PLA2G5: variants seen among roughly 807,000 people sequenced by gnomAD.
PLA2G5 encodes Ca2+-dependent phospholipase A2.
A neutral mutation model predicts 15.9 loss-of-function variants in PLA2G5; 12 were observed. The ratio of observed to expected loss-of-function variants is 0.76; its 90% confidence interval spans 0.48 to 1.23. The LOEUF is 1.23. PLA2G5 is among the 50% of genes most tolerant of loss of function. The pLI is 0.00. For missense variants in PLA2G5, 169 were observed against 177.1 expected (o/e 0.95, Z 0.26); for synonymous variants, 71 against 71.4 (o/e 0.99, Z 0.03).
At chr1:20,044,669 G>T (rs537366133) in intron 1 of PLA2G5, among the ~76,000 whole-genome samples, 105 of 152,246 alleles carry the variant, frequency 6.9e-4, no homozygotes, top group Middle Eastern at 6.8e-3. Context: ...TTGGGCAGGT[G>T]GGGGAGGGCT....
chr1:20,034,242 C>T (rs979994814), intron 1 of PLA2G5, among the ~76,000 whole-genome samples: 4 of 151,976 alleles, frequency 2.6e-5, no homozygotes, highest in Non-Finnish European at 4.4e-5. Context: ...AAGGCCTGTT[C>T]GAATAGGAGG....
At chr1:20,081,058 T>C (rs1031534977) in intron 1 of PLA2G5, among the ~76,000 whole-genome samples, 3 of 151,916 alleles carry the variant, frequency 2.0e-5, no homozygotes, top group Non-Finnish European at 2.9e-5. Context: ...GCATGTGGAC[T>C]TGGGGGACCC....
At chr1:20,083,828 T>C (rs1432156288) in intron 1 of PLA2G5, among the ~76,000 whole-genome samples, 1 of 151,704 alleles carries the variant, frequency 6.6e-6, no homozygotes, top group African/African-American at 2.4e-5. Flanking sequence ...GTCCCTGAGC[T>C]TTCTGAGCCT....
At chr1:20,035,913 G>A (rs184584749) in intron 1 of PLA2G5, among the ~76,000 whole-genome samples, 2 of 152,134 alleles carry the variant, frequency 1.3e-5, no homozygotes, top group East Asian at 1.9e-4. Flanking sequence ...CTCTTTAGTA[G>A]TTCTTGTAGT....
chr1:20,052,122 C>T (rs1051323824), intron 1 of PLA2G5, among the ~76,000 whole-genome samples: 24 of 146,380 alleles, frequency 1.6e-4, no homozygotes, highest in African/African-American at 5.6e-4. Flanking sequence ...GGGAAACTGC[C>T]GAGATCGCGC....
At chr1:20,090,126 A>G (rs1234976769) in intron 4 of PLA2G5, among the ~76,000 whole-genome samples, 2 of 152,142 alleles carry the variant, frequency 1.3e-5, no homozygotes, top group Non-Finnish European at 2.9e-5. Context: ...CCCCCACAAA[A>G]TACCTGTAGA....
intron 1 of PLA2G5, among the ~76,000 whole-genome samples, chr1:20,045,762 T>TA (rs1205551321): frequency 2.6e-5 from 4 of 152,188 alleles, no homozygotes; most frequent in African/African-American, 9.7e-5. Flanking sequence ...GAGGCTCCCC[T>TA]ATCCAAGTCT....
chr1:20,078,475 G>C (rs984479077), intron 1 of PLA2G5, among the ~76,000 whole-genome samples: 4 of 152,042 alleles, frequency 2.6e-5, no homozygotes, highest in Non-Finnish European at 5.9e-5. Flanking sequence ...TACAGGATGG[G>C]GAGAGGACTC....
intron 1 of PLA2G5, among the ~76,000 whole-genome samples, chr1:20,053,573 G>GGA: frequency 1.1e-5 from 1 of 88,742 alleles, no homozygotes; most frequent in Admixed American, 1.1e-4. Flanking sequence ...TACTTTGCGG[G>GGA]GGGGGGGGTG....
chr1:20,064,582 G>T (rs1369988390), intron 2 of PLA2G5, among the ~76,000 whole-genome samples: 1 of 124,808 alleles, frequency 8.0e-6, no homozygotes, highest in African/African-American at 3.0e-5. Context: ...CTCAAAAAAG[G>T]AAAAAAAAAA....
upstream of PLA2G5, among the ~76,000 whole-genome samples, chr1:20,069,266 CA>C (rs5772881): frequency 0.062 from 9,476 of 152,108 alleles, 488 homozygotes; most frequent in East Asian, 0.25. Context: ...AATATGCTTA[CA>C]AAAAACATTT....
At chr1:20,033,898 G>T (rs2013103721) in intron 1 of PLA2G5, among the ~76,000 whole-genome samples, 3 of 152,092 alleles carry the variant, frequency 2.0e-5, no homozygotes. Flanking sequence ...GCAAGCTAAA[G>T]TCGGGAATTC....
rs138641873 is a variant in PLA2G5 at position 20,058,901 on chromosome 1, C to A, written n.277-731C>A. Among the ~76,000 whole-genome samples the A allele has an allele frequency of 3.3e-3, 500 of 152,174 alleles. 4 individuals carry two copies. The highest frequency in any genetic ancestry group is 0.012 in the African/African-American group (483 of 41,508). On this transcript the variant is annotated intron_variant and non_coding_transcript_variant, in intron 1 of 6. Coordinates refer to the PLA2G5 transcript ENST00000460175. Reference sequence around the variant, plus strand: ...TAAAGATGATCACATGGGCCAGGTGCAGTGGCTCATGCCTGTAATCCCAGC... The same window carrying A: ...TAAAGATGATCACATGGGCCAGGTGAAGTGGCTCATGCCTGTAATCCCAGC...
At chr1:20,031,863 A>G (rs61297133) in intron 1 of PLA2G5, among the ~76,000 whole-genome samples, 12,167 of 152,160 alleles carry the variant, frequency 0.08, 676 homozygotes, top group African/African-American at 0.16. Flanking sequence ...TTGTAGGGAC[A>G]GGGAGGTGTG....
intron 1 of PLA2G5, among the ~76,000 whole-genome samples, chr1:20,071,714 T>G (rs925071545): frequency 6.6e-6 from 1 of 152,154 alleles, no homozygotes; most frequent in African/African-American, 2.4e-5. Flanking sequence ...TCCCTCTGCC[T>G]GGAGCTTTCT....
chr1:20,043,242 G>T (rs2013716026), intron 1 of PLA2G5, among the ~76,000 whole-genome samples: 1 of 152,126 alleles, frequency 6.6e-6, no homozygotes, highest in South Asian at 2.1e-4. Context: ...GGCACCACAG[G>T]GTGGATAGGC....
intron 1 of PLA2G5, among the ~76,000 whole-genome samples, chr1:20,037,375 G>C (rs573990970): frequency 6.6e-6 from 1 of 152,244 alleles, no homozygotes; most frequent in African/African-American, 2.4e-5. Context: ...GCTGGTACTG[G>C]GGAACGCCTT....
chr1:20,031,261 G>A (rs1467245744), intron 1 of PLA2G5, among the ~76,000 whole-genome samples: 1 of 152,250 alleles, frequency 6.6e-6, no homozygotes, highest in Non-Finnish European at 1.5e-5. Context: ...GCTGTGAACA[G>A]CTGGATTTGT....
At chr1:20,049,796 A>G (rs1156826653) in intron 1 of PLA2G5, among the ~76,000 whole-genome samples, 1 of 152,206 alleles carries the variant, frequency 6.6e-6, no homozygotes, top group African/African-American at 2.4e-5. Flanking sequence ...CAGCATGAGA[A>G]CAGATGAATA....
Sources: allele counts gnomAD v4.1 joint callset (sites outside exome capture counted in the v4.1 genomes callset), GRCh38; gene constraint gnomAD v4.1.1; transcripts MANE v1.5; gene names NCBI Gene and HGNC (gene_info 2026-07-23, HGNC 2026-07-21).